Variants in ZNF675 observed in about 807,000 individuals in gnomAD.
The protein encoded by ZNF675 is TRAF6 inhibitory zinc finger.
A neutral mutation model predicts 56.1 loss-of-function variants in ZNF675; 36 were observed. The observed-to-expected ratio is 0.64, with a 90% CI of 0.49 to 0.85. The LOEUF is 0.85. ZNF675 is among the 40% of genes least tolerant of loss of function. The probability of loss-of-function intolerance (pLI) is 0.00; values close to 1 mark genes in which losing one functional copy is unlikely to be tolerated. For synonymous variants in ZNF675, 200 were observed against 218.9 expected (o/e 0.91, Z 0.76); for missense variants, 663 against 654.2 (o/e 1.01, Z -0.15).
chr19:23,658,038 C>T (rs1274177925), intron 3 of ZNF675, among the ~76,000 whole-genome samples: 1 of 152,078 alleles, frequency 6.6e-6, no homozygotes, highest in African/African-American at 2.4e-5. Context: ...CTCATAAAAT[C>T]TTGCAGGCAA....
At chr19:23,667,569 G>GC (rs1369034543) in intron 1 of ZNF675, among the ~76,000 whole-genome samples, 1 of 151,964 alleles carries the variant, frequency 6.6e-6, no homozygotes, top group African/African-American at 2.4e-5. Flanking sequence ...GTTCTCCAAG[G>GC]CCCCACCAGA....
chr19:23,679,437 G>T (rs924572799), intron 1 of ZNF675, among the ~76,000 whole-genome samples: 18 of 151,362 alleles, frequency 1.2e-4, no homozygotes, highest in African/African-American at 4.4e-4. Context: ...AAAAACTCTG[G>T]AAGATAACCT....
intron 1 of ZNF675, among the ~76,000 whole-genome samples, chr19:23,683,623 T>C (rs1039613321): frequency 6.6e-6 from 1 of 152,200 alleles, no homozygotes; most frequent in East Asian, 2.0e-4. Flanking sequence ...GGTTTCACCA[T>C]ATTGACCAGA....
intron 3 of ZNF675, among the ~76,000 whole-genome samples, chr19:23,660,382 G>A (rs1292132796): frequency 6.6e-6 from 1 of 152,188 alleles, no homozygotes; most frequent in Non-Finnish European, 1.5e-5. Context: ...AGTATTGGCA[G>A]AAGAATTAGT....
intron 1 of ZNF675, among the ~76,000 whole-genome samples, chr19:23,668,594 G>A (rs553407060): frequency 1.3e-5 from 2 of 152,366 alleles, no homozygotes; most frequent in Admixed American, 1.3e-4. Flanking sequence ...ATCCGTCAGG[G>A]AGGATAGGGC....
At chr19:23,665,472 T>A (rs1968137205) in intron 1 of ZNF675, among the ~76,000 whole-genome samples, 2 of 152,082 alleles carry the variant, frequency 1.3e-5, no homozygotes, top group African/African-American at 4.8e-5. Context: ...GACTTAGGGT[T>A]CATGAGTGGT....
intron 3 of ZNF675, among the ~76,000 whole-genome samples, chr19:23,658,991 C>CTATA (rs1568289341): frequency 8.3e-5 from 11 of 132,630 alleles, no homozygotes; most frequent in African/African-American, 2.9e-4. Flanking sequence ...AGATAGAGAT[C>CTATA]GAGATCTATA....
At chr19:23,671,045 G>A (rs1048356069) in intron 1 of ZNF675, among the ~76,000 whole-genome samples, 1 of 152,044 alleles carries the variant, frequency 6.6e-6, no homozygotes, top group Non-Finnish European at 1.5e-5. Flanking sequence ...AATAACTAAG[G>A]CAGAAAATTA....
chr19:23,668,788 C>T (rs1968189690), intron 1 of ZNF675, among the ~76,000 whole-genome samples: 1 of 152,186 alleles, frequency 6.6e-6, no homozygotes, highest in Admixed American at 6.5e-5. Context: ...TCCCTCATTG[C>T]CCGGGGCGGG....
In ZNF675 at chr19:23,654,394, G is replaced by A. The variant is rs1967954165; in HGVS notation, c.539C>T (p.Ser180Leu). The stretch of plus-strand genomic sequence containing the variant: ...AGTTAGGTGTGAAAGCATGCAAAAT[G>A]ATCTGCCACATTCTTTACATTTGAA... Reference protein sequence around the residue: ...KPFKCKECGRSFCMLSHLTRH... With the variant: ...KPFKCKECGRLFCMLSHLTRH... The change falls in exon 4 of 4, where the codon TCA (serine) becomes TTA (leucine). Residue 180 changes from serine to leucine, a missense_variant. By Grantham distance (145) the Ser-to-Leu change is moderately radical (BLOSUM62 -2). Around this residue, in one of 3 missense-constraint regions of ZNF675, gnomAD observed 617 missense variants for 590.5 expected, o/e 1.04. Transcript: ENST00000359788. The A allele has an allele frequency of 3.1e-6, 5 of 1,611,366 alleles. No individual in the cohort carries two copies. Among genetic ancestry groups the A allele is most frequent in the Non-Finnish European group, 4.2e-6 (5 of 1,178,406 alleles).
rs1967951217 is a variant in ZNF675 at position 23,654,216 on chromosome 19, T to C, written c.717A>G (p.Gln239=). The change falls in exon 4 of 4, where the codon CAA becomes CAG. Residue 239 remains glutamine, a synonymous_variant. Coordinates refer to ENST00000359788, the MANE Select transcript of ZNF675 (RefSeq NM_138330.3). Reference sequence around the variant, plus strand: ...TTTTATATTCAGTAAGGTTTGAGAATTGGTTAAAAGTTCTGTCACATTCTT... The same window carrying C: ...TTTTATATTCAGTAAGGTTTGAGAACTGGTTAAAAGTTCTGTCACATTCTT... ...KCQECDRTFN[Q]FSNLTEYKKD... is the part of the protein sequence containing the mutation. The C allele has an allele frequency of 2.5e-6, 4 of 1,614,026 alleles. No individual in the cohort carries two copies. The highest frequency in any genetic ancestry group is 1.3e-5 in the African/African-American group (1 of 75,054).
At position 23,663,028 on chromosome 19, in the gene ZNF675, T is replaced by C; in HGVS notation, c.130+4A>G. The C allele has an allele frequency of 6.3e-7, 1 of 1,578,654 alleles. No homozygotes were observed. Among genetic ancestry groups the C allele is most frequent in the Non-Finnish European group, 8.6e-7 (1 of 1,168,378 alleles). Reference sequence around the variant, plus strand: ...AAGAAACTGTGTGTTTAAGTTATCCTTACCCAGGAAGACCAGGTTTCTGTA... The same window carrying C: ...AAGAAACTGTGTGTTTAAGTTATCCCTACCCAGGAAGACCAGGTTTCTGTA... On this transcript the variant is annotated splice_donor_region_variant and intron_variant, in intron 2 of 3. Transcript: ENST00000359788.
chr19:23,665,563 T>A (rs1036580901), intron 1 of ZNF675, among the ~76,000 whole-genome samples: 6 of 151,552 alleles, frequency 4.0e-5, no homozygotes, highest in Non-Finnish European at 7.4e-5. Context: ...TGGCGTGATC[T>A]CGACTCACTG....
chr19:23,687,197 G>A lies in ZNF675; in HGVS notation c.-164C>T. The A allele has an allele frequency of 1.2e-6, 1 of 804,560 alleles. No homozygotes were observed. Among genetic ancestry groups the A allele is most frequent in the Non-Finnish European group, 2.0e-6 (1 of 490,488 alleles). The allele number at this position is 804,560 out of a possible 1,614,324, so 49.8% of individuals were successfully genotyped here. A position where few individuals can be genotyped will look rare whatever the true frequency, so the allele number is the denominator to read the frequency against. ...AGAGACAAAGGCGCCGCCAAATCCC[G>A]GAAGCCATCTTGTCTGCTCCAGCTG... On this transcript the variant is annotated 5_prime_UTR_variant, in exon 1 of 4. Transcript: ENST00000359788.
intron 3 of ZNF675, 160 bp downstream of exon 3, chr19:23,661,954 G>T: frequency 1.7e-6 from 1 of 588,490 alleles, no homozygotes; most frequent in Non-Finnish European, 3.1e-6. Flanking sequence ...GCATAAGACA[G>T]AAAATGCTCA....
At chr19:23,660,651 A>C (rs991591096) in intron 3 of ZNF675, among the ~76,000 whole-genome samples, 2 of 152,182 alleles carry the variant, frequency 1.3e-5, no homozygotes, top group Non-Finnish European at 2.9e-5. Context: ...AGGAGGTACA[A>C]AATCTTTACA....
At chr19:23,654,883 T>C in intron 3 of ZNF675, 177 bp from the exon 4 acceptor site, 1 of 388,634 alleles carries the variant, frequency 2.6e-6, no homozygotes, top group Non-Finnish European at 4.4e-6. Flanking sequence ...AAAAAAAAAA[T>C]TCTGTCACAT....
Position 23,676,210 on chromosome 19 carries a change from A to AC in ZNF675, c.3+10820_3+10821insG, listed in dbSNP as rs552329106. Among the ~76,000 whole-genome samples, 244 of 151,884 alleles carry AC rather than the reference A, an allele frequency of 1.6e-3. 4 individuals are homozygous for AC. In the East Asian group the frequency reaches 0.016, roughly 10 times the overall value. On this transcript the variant is annotated intron_variant, in intron 1 of 3. Transcript: ENST00000359788. ...AAGCTCCAAAATCAAATTAATAATA[A>AC]GTAGCCTACCAACCAAAAAAAGCCC...
chr19:23,671,057 G>A (rs1968220913), intron 1 of ZNF675, among the ~76,000 whole-genome samples: 2 of 152,226 alleles, frequency 1.3e-5, no homozygotes, highest in African/African-American at 2.4e-5. Flanking sequence ...AGAAAATTAT[G>A]ATAAAGTACA....
Sources: allele counts gnomAD v4.1 joint callset (sites outside exome capture counted in the v4.1 genomes callset), GRCh38; gene constraint gnomAD v4.1.1; regional missense constraint gnomAD v4.1.1; transcripts MANE v1.5; gene names NCBI Gene and HGNC (gene_info 2026-07-23, HGNC 2026-07-21).